The following CPT1A variants were observed in gnomAD, a reference collection of about 807,000 sequenced individuals.
The protein encoded by CPT1A is carnitine palmitoyltransferase 1A, also known as carnitine O-palmitoyltransferase 1, liver isoform.
In CPT1A, 64 loss-of-function variants were observed where a neutral mutation model predicts 100.8. The observed-to-expected ratio is 0.63, with a 90% CI of 0.52 to 0.78. The LOEUF (loss-of-function observed/expected upper bound fraction) is 0.78. Ranked by LOEUF, CPT1A falls within the 30% of genes least tolerant of loss-of-function variation. The pLI is 0.00. For missense variants in CPT1A, 802 were observed against 1,034.1 expected (o/e 0.78, Z 3.08); for synonymous variants, 363 against 396.0 (o/e 0.92, Z 0.99).
At chr11:68,773,992 C>T (rs1279626018) in intron 13 of CPT1A, 1 of 167,272 alleles carries the variant, frequency 6.0e-6, no homozygotes, top group Non-Finnish European at 1.3e-5. Flanking sequence ...TGCTCCCTTC[C>T]CAAGCGCTGG....
At chr11:68,817,731 G>C (rs1382959665) in intron 1 of CPT1A, among the ~76,000 whole-genome samples, 2 of 147,504 alleles carry the variant, frequency 1.4e-5, no homozygotes, top group Admixed American at 6.7e-5. Flanking sequence ...AGGGTGGCTG[G>C]GGGTCAAGGA....
chr11:68,784,752 C>A, intron 10 of CPT1A, 63 bp downstream of exon 10: 1 of 1,498,712 alleles, frequency 6.7e-7, no homozygotes, highest in Non-Finnish European at 9.1e-7. Context: ...TGGGGATGGG[C>A]CCCAGTGAGG....
intron 14 of CPT1A, among the ~76,000 whole-genome samples, chr11:68,768,179 C>CATTCTCCTG (rs1407792511): frequency 1.3e-5 from 2 of 148,486 alleles, no homozygotes; most frequent in Non-Finnish European, 3.0e-5. Context: ...GGGTTCACGC[C>CATTCTCCTG]ATTCTCCTGC....
intron 10 of CPT1A, 38 bp downstream of exon 10, chr11:68,784,777 C>T (rs758323797): frequency 6.9e-6 from 11 of 1,592,400 alleles, no homozygotes; most frequent in Admixed American, 6.7e-5. Context: ...GCGCCTCCAC[C>T]ACCCCCCAAA....
At chr11:68,797,805 C>T (rs935462045) in intron 6 of CPT1A, among the ~76,000 whole-genome samples, 62 of 152,212 alleles carry the variant, frequency 4.1e-4, no homozygotes, top group African/African-American at 1.5e-3. Context: ...TGATGAAACC[C>T]CGTCTGTACT....
chr11:68,835,388 C>G (rs934710352), intron 1 of CPT1A, among the ~76,000 whole-genome samples: 8 of 152,246 alleles, frequency 5.3e-5, no homozygotes, highest in African/African-American at 1.9e-4. Flanking sequence ...TCCCCTGTAT[C>G]TCCCATGCAT....
In CPT1A at chr11:68,775,328, G is replaced by A. The variant is rs757551678; in HGVS notation, c.1563C>T (p.Asp521=). The A allele has an allele frequency of 1.2e-5, 19 of 1,612,646 alleles. No homozygotes were observed. The highest frequency in any genetic ancestry group is 5.0e-5 in the Admixed American group (3 of 59,996). Residue 521 remains aspartate (D), a synonymous_variant, in exon 13 of 19, where the codon GAC becomes GAT. Coordinates refer to ENST00000265641, the MANE Select transcript of CPT1A (RefSeq NM_001876.4). ...NIPYPTRLQW[D]IPGECQEVIE... is the part of the protein sequence containing the mutation. ...AATCCGGACTTACTTCCCCCGGGAT[G>A]TCCCACTGCAGCCTGGTGGGGTACG...
chr11:68,817,428 G>A (rs1474730969), intron 1 of CPT1A, among the ~76,000 whole-genome samples: 26 of 152,232 alleles, frequency 1.7e-4, no homozygotes, highest in South Asian at 4.1e-4. Context: ...CGTGCCAGCC[G>A]AGGAGAAGAG....
intron 10 of CPT1A, 150 bp from the exon 11 acceptor site, chr11:68,782,109 G>T: frequency 1.3e-6 from 1 of 771,016 alleles, no homozygotes; most frequent in East Asian, 2.7e-5. Flanking sequence ...GAGACTGTTT[G>T]CTGGAAGGAC....
At chr11:68,766,368 C>T (rs1452147943) in intron 14 of CPT1A, among the ~76,000 whole-genome samples, 1 of 152,150 alleles carries the variant, frequency 6.6e-6, no homozygotes, top group East Asian at 1.9e-4. Flanking sequence ...TTATGTAAAA[C>T]CACAGGGAGG....
At chr11:68,765,964 C>T (rs549253124) in intron 14 of CPT1A, among the ~76,000 whole-genome samples, 4 of 151,780 alleles carry the variant, frequency 2.6e-5, no homozygotes, top group South Asian at 2.1e-4. Flanking sequence ...CTCTGCCTAC[C>T]GGGTTCAAGC....
intron 12 of CPT1A, 57 bp from the exon 13 acceptor site, chr11:68,775,489 C>A: frequency 7.7e-7 from 1 of 1,299,938 alleles, no homozygotes; most frequent in East Asian, 2.3e-5. Flanking sequence ...AACACATTAA[C>A]CTCCAACATG....
At chr11:68,798,695 GC>G (rs1163059774) in intron 6 of CPT1A, among the ~76,000 whole-genome samples, 2 of 152,118 alleles carry the variant, frequency 1.3e-5, no homozygotes, top group Non-Finnish European at 2.9e-5. Context: ...CGGGAAGGAT[GC>G]CCTTGGAATC....
At chr11:68,830,461 T>C (rs1856849462) in intron 1 of CPT1A, among the ~76,000 whole-genome samples, 1 of 152,176 alleles carries the variant, frequency 6.6e-6, no homozygotes, top group Non-Finnish European at 1.5e-5. Flanking sequence ...ATGGGACTCA[T>C]CACTGAGGTC....
chr11:68,766,551 T>C (rs1223331590), intron 14 of CPT1A, among the ~76,000 whole-genome samples: 3 of 152,104 alleles, frequency 2.0e-5, no homozygotes, highest in African/African-American at 7.2e-5. Context: ...AGTGGTGCGA[T>C]CTCAGCTCAC....
chr11:68,816,921 GT>G (rs1856422142), intron 1 of CPT1A, among the ~76,000 whole-genome samples: 2 of 120,132 alleles, frequency 1.7e-5, no homozygotes, highest in Non-Finnish European at 3.5e-5. Context: ...TGTGGTGTGT[GT>G]GTGGGTGTGT....
At chr11:68,774,118 A>C (rs1855077774) in intron 13 of CPT1A, among the ~76,000 whole-genome samples, 1 of 152,222 alleles carries the variant, frequency 6.6e-6, no homozygotes, top group African/African-American at 2.4e-5. Flanking sequence ...CCTCGCACTT[A>C]ATCTCCCAAG....
chr11:68,791,303 C>T (rs1379355838), intron 9 of CPT1A, among the ~76,000 whole-genome samples: 1 of 152,180 alleles, frequency 6.6e-6, no homozygotes, highest in South Asian at 2.1e-4. Flanking sequence ...CACTGCCTGC[C>T]CTGGTCAGTG....
rs762961197 is a variant in CPT1A at position 68,757,660 on chromosome 11, G to C, written c.2306C>G (p.Ser769Cys). Residue 769 changes from serine (S) to cysteine (C), a missense_variant, in exon 19 of 19, where the codon TCT (serine) becomes TGT (cysteine). Ser to Cys is a moderately radical substitution (Grantham distance 112, BLOSUM62 -1). Transcript: ENST00000265641. ...CCAGTGGAATTACTTTTTGGAATTA[G>C]AACTGAGACCAAACAAAGTGATGAT... The part of the protein sequence containing the change: ...TDIITLFGLS[S>C]NSKK The C allele has an allele frequency of 6.2e-7, 1 of 1,614,116 alleles. No homozygotes were observed. Among genetic ancestry groups the C allele is most frequent in the South Asian group, 1.1e-5 (1 of 91,078 alleles).
Sources: allele counts gnomAD v4.1 joint callset (sites outside exome capture counted in the v4.1 genomes callset), GRCh38; gene constraint gnomAD v4.1.1; transcripts MANE v1.5; gene names NCBI Gene and HGNC (gene_info 2026-07-23, HGNC 2026-07-21).